The following COL14A1 variants were observed in gnomAD, a reference collection of about 807,000 sequenced individuals.
The protein encoded by COL14A1 is collagen type XIV alpha 1 chain.
In COL14A1, 136 loss-of-function variants were observed where a neutral mutation model predicts 230.3. The ratio of observed to expected loss-of-function variants is 0.59; its 90% CI spans 0.51 to 0.68. The LOEUF (loss-of-function observed/expected upper bound fraction) is 0.68. COL14A1 is among the 30% of genes least tolerant of loss of function. The probability of loss-of-function intolerance (pLI) is 0.00; values close to 1 mark genes in which losing one functional copy is unlikely to be tolerated. For synonymous variants in COL14A1, 792 were observed against 784.1 expected, an observed-to-expected ratio of 1.01 and a Z score of -0.17; for missense variants, 1,976 against 2,215.8, an observed-to-expected ratio of 0.89 and a Z score of 2.17.
At chr8:120,163,742 A>G (rs547055061) in intron 4 of COL14A1, among the ~76,000 whole-genome samples, 1 of 152,300 alleles carries the variant, frequency 6.6e-6, no homozygotes, top group Admixed American at 6.5e-5. Context: ...CAGCCTGGGC[A>G]ACAAGAGCAA....
chr8:120,226,307 T>A lies in COL14A1; in HGVS notation c.1865-320T>A, dbSNP rs1869833. 0.62 allele frequency among the ~76,000 whole-genome samples: 93,122 copies of A among 149,902 alleles called. 29,025 individuals are homozygous for A. The highest frequency in any genetic ancestry group is 0.84 in the East Asian group (4,283 of 5,114). On this transcript the variant is annotated intron_variant, in intron 15 of 47. Transcript: ENST00000297848. The stretch of plus-strand genomic sequence containing the variant: ...CTCAAGATACTTGGAAAATAATATT[T>A]AAAAAAAAAATGAATATGGCACTCT...
At chr8:120,214,771 G>A (rs7016695) in intron 13 of COL14A1, among the ~76,000 whole-genome samples, 79,166 of 151,346 alleles carry the variant, frequency 0.52, 21,068 homozygotes, top group East Asian at 0.63. Context: ...AGAAATATAC[G>A]GTGAAAAAAA....
intron 11 of COL14A1, 93 bp from the exon 12 acceptor site, chr8:120,209,663 C>T (rs1290429720): frequency 3.0e-6 from 4 of 1,315,838 alleles, no homozygotes; most frequent in Non-Finnish European, 4.2e-6. Context: ...CTCCCTTCCC[C>T]TCAAATATGG....
intron 5 of COL14A1, among the ~76,000 whole-genome samples, chr8:120,190,761 A>G (rs1816796422): frequency 6.6e-6 from 1 of 152,086 alleles, no homozygotes; most frequent in Admixed American, 6.5e-5. Flanking sequence ...CTTCTTCCTG[A>G]TTTAGTCTTG....
intron 26 of COL14A1, among the ~76,000 whole-genome samples, chr8:120,274,879 C>T (rs1016754349): frequency 2.6e-5 from 4 of 151,672 alleles, no homozygotes; most frequent in African/African-American, 9.7e-5. Flanking sequence ...ATCCCATGCT[C>T]ATGGATTGAA....
intron 40 of COL14A1, among the ~76,000 whole-genome samples, chr8:120,325,454 A>G (rs1821626381): frequency 1.3e-5 from 2 of 149,302 alleles, no homozygotes; most frequent in South Asian, 4.3e-4. Flanking sequence ...TTCATTGTAC[A>G]TTGCTTAATT....
At chr8:120,347,007 G>A (rs1822542628) in intron 45 of COL14A1, among the ~76,000 whole-genome samples, 1 of 152,114 alleles carries the variant, frequency 6.6e-6, no homozygotes. Context: ...CCAAAGATCT[G>A]GCAGCCTGGA....
At chr8:120,203,980 T>C (rs1817345597) in intron 9 of COL14A1, 110 bp downstream of exon 9, 2 of 1,119,432 alleles carry the variant, frequency 1.8e-6, no homozygotes, top group African/African-American at 1.5e-5. Flanking sequence ...TGAAGACCCC[T>C]TATTCCCCTA....
chr8:120,189,676 T>A (rs1336657208), intron 5 of COL14A1, among the ~76,000 whole-genome samples: 3 of 131,142 alleles, frequency 2.3e-5, no homozygotes, highest in Non-Finnish European at 4.7e-5. Context: ...GATGTTCCCC[T>A]TCCTGTGTCC....
At chr8:120,296,172 C>T (rs1485725414) in intron 34 of COL14A1, among the ~76,000 whole-genome samples, 1 of 151,454 alleles carries the variant, frequency 6.6e-6, no homozygotes, top group Non-Finnish European at 1.5e-5. Flanking sequence ...CCTTAAACCA[C>T]CTGGAAAAAA....
At chr8:120,324,131 T>A (rs1422725285) in intron 40 of COL14A1, among the ~76,000 whole-genome samples, 3 of 152,036 alleles carry the variant, frequency 2.0e-5, no homozygotes, top group Admixed American at 2.0e-4. Flanking sequence ...CTATGCTTAT[T>A]ACCTGGGTAG....
chr8:120,245,906 C>T (rs1346939985), intron 20 of COL14A1, among the ~76,000 whole-genome samples: 1 of 152,196 alleles, frequency 6.6e-6, no homozygotes, highest in Non-Finnish European at 1.5e-5. Context: ...GTCACTTCTG[C>T]TGCAGTCTAT....
chr8:120,305,801 A>G (rs1273473304), intron 36 of COL14A1, among the ~76,000 whole-genome samples: 1 of 151,698 alleles, frequency 6.6e-6, no homozygotes, highest in Non-Finnish European at 1.5e-5. Flanking sequence ...TTTCTCCTCC[A>G]CTAGTTTGGA....
chr8:120,274,712 G>C (rs971088744), intron 26 of COL14A1, among the ~76,000 whole-genome samples: 3 of 151,086 alleles, frequency 2.0e-5, no homozygotes, highest in African/African-American at 7.3e-5. Context: ...AAGGCCTGAG[G>C]ATCAAATCAA....
chr8:120,278,287 T>A lies in COL14A1; in HGVS notation c.3337+53T>A, dbSNP rs1034049795. 6 of 1,544,386 alleles carry A rather than the reference T, an allele frequency of 3.9e-6. No individual in the cohort carries two copies. In the African/African-American group the frequency reaches 5.5e-5, roughly 14 times the overall value. Reference sequence around the variant, plus strand: ...CTCAAAGTAATTCATTATTTGTAACTACTGAAATGACCTTTTATTTTAAGG... The same window carrying A: ...CTCAAAGTAATTCATTATTTGTAACAACTGAAATGACCTTTTATTTTAAGG... On this transcript the variant is annotated intron_variant, in intron 27 of 47. Coordinates refer to ENST00000297848, the MANE Select transcript of COL14A1 (RefSeq NM_021110.4).
intron 5 of COL14A1, among the ~76,000 whole-genome samples, chr8:120,176,121 CT>C (rs569394423): frequency 2.7e-4 from 41 of 152,102 alleles, no homozygotes; most frequent in Admixed American, 2.4e-3. Context: ...ATAATATTTG[CT>C]GTTAATAATA....
intron 1 of COL14A1, among the ~76,000 whole-genome samples, chr8:120,133,086 C>T (rs974127216): frequency 7.9e-5 from 12 of 151,968 alleles, no homozygotes; most frequent in Non-Finnish European, 8.8e-5. Flanking sequence ...CATGGTGGCG[C>T]GTGCCTGTAG....
chr8:120,181,359 A>T (rs1700653989), intron 5 of COL14A1, among the ~76,000 whole-genome samples: 1 of 152,248 alleles, frequency 6.6e-6, no homozygotes, highest in Non-Finnish European at 1.5e-5. Context: ...GCATAATTTG[A>T]CCATTAAGAC....
intron 28 of COL14A1, 150 bp downstream of exon 28, chr8:120,278,728 G>A: frequency 2.5e-6 from 2 of 786,140 alleles, no homozygotes; most frequent in Non-Finnish European, 1.9e-6. Flanking sequence ...AATACTTTCT[G>A]GTATACAAAT....
Sources: gnomAD v4.1 joint callset for allele counts (sites outside exome capture counted in the v4.1 genomes callset) on GRCh38, gnomAD v4.1.1 for gene constraint, MANE v1.5 for transcripts, NCBI Gene and HGNC (gene_info 2026-07-23, HGNC 2026-07-21) for gene names.